MALRD1: variants seen among roughly 807,000 people sequenced by gnomAD.
The protein encoded by MALRD1 is MAM and LDL-receptor class A domain-containing protein 1.
A neutral mutation model predicts 242.1 loss-of-function variants in MALRD1; 247 were observed. The ratio of observed to expected loss-of-function variants is 1.02; its 90% CI spans 0.92 to 1.13. The LOEUF (loss-of-function observed/expected upper bound fraction) is 1.13. Ranked by LOEUF, MALRD1 falls within the 50% of genes most tolerant of loss-of-function variation. MALRD1 has a pLI of 0.00. For synonymous variants in MALRD1, 995 were observed against 866.6 expected, an observed-to-expected ratio of 1.15 and a Z score of -2.60; for missense variants, 2,989 against 2,533.1, an observed-to-expected ratio of 1.18 and a Z score of -3.86.
intron 14 of MALRD1, among the ~76,000 whole-genome samples, chr10:19,187,558 T>C (rs1440696122): frequency 6.6e-6 from 1 of 152,016 alleles, no homozygotes; most frequent in Non-Finnish European, 1.5e-5. Flanking sequence ...AAGAGGTTGA[T>C]TATAGAGAAC....
At chr10:19,471,798 T>C (rs1417214524) in intron 29 of MALRD1, among the ~76,000 whole-genome samples, 2 of 151,866 alleles carry the variant, frequency 1.3e-5, no homozygotes, top group African/African-American at 4.8e-5. Context: ...AAAATTTGTT[T>C]AATAATTCTA....
At chr10:19,341,502 GTATA>G (rs576264676) in intron 24 of MALRD1, among the ~76,000 whole-genome samples, 1 of 116,840 alleles carries the variant, frequency 8.6e-6, no homozygotes, top group African/African-American at 3.3e-5. Context: ...ATGTATATAT[GTATA>G]TATATGTGTG....
chr10:19,241,539 G>A (rs1027984058), intron 18 of MALRD1, among the ~76,000 whole-genome samples: 1 of 151,838 alleles, frequency 6.6e-6, no homozygotes, highest in Admixed American at 6.6e-5. Context: ...ATTTTTTAGT[G>A]TCTGTTTCAT....
At chr10:19,687,751 T>C (rs2131811073) in intron 36 of MALRD1, among the ~76,000 whole-genome samples, 1 of 152,302 alleles carries the variant, frequency 6.6e-6, no homozygotes, top group East Asian at 1.9e-4. Flanking sequence ...TGGCCATTCC[T>C]TTTAGAGACA....
At chr10:19,330,855 C>G (rs1464247721) in intron 23 of MALRD1, among the ~76,000 whole-genome samples, 1 of 147,534 alleles carries the variant, frequency 6.8e-6, no homozygotes, top group African/African-American at 2.6e-5. Context: ...AAGATGTGTA[C>G]AATTTAAAAA....
intron 33 of MALRD1, among the ~76,000 whole-genome samples, chr10:19,572,006 A>T (rs1468917763): frequency 6.6e-6 from 1 of 151,890 alleles, no homozygotes; most frequent in East Asian, 1.9e-4. Context: ...ACCACCACAA[A>T]CTCCCATAAT....
intron 1 of MALRD1, among the ~76,000 whole-genome samples, chr10:19,052,808 C>A (rs1390727285): frequency 6.6e-6 from 1 of 152,198 alleles, no homozygotes; most frequent in Non-Finnish European, 1.5e-5. Context: ...TGTAACCCCT[C>A]TACTCCCCTC....
chr10:19,254,848 G>A (rs1018168225), intron 18 of MALRD1, among the ~76,000 whole-genome samples: 1 of 151,824 alleles, frequency 6.6e-6, no homozygotes, highest in Non-Finnish European at 1.5e-5. Flanking sequence ...AATACATGAT[G>A]GCTAAAGTGA....
At chr10:19,214,196 C>T (rs1837200198) in intron 18 of MALRD1, among the ~76,000 whole-genome samples, 2 of 152,174 alleles carry the variant, frequency 1.3e-5, no homozygotes, top group African/African-American at 2.4e-5. Context: ...AACATGGTTT[C>T]TGTGGACTCT....
At chr10:19,576,354 A>T (rs912401880) in intron 33 of MALRD1, among the ~76,000 whole-genome samples, 1 of 152,176 alleles carries the variant, frequency 6.6e-6, no homozygotes, top group Non-Finnish European at 1.5e-5. Flanking sequence ...TTTACACAAC[A>T]TGCATCTCTG....
chr10:19,493,473 A>G (rs1157496212), intron 30 of MALRD1, among the ~76,000 whole-genome samples: 3 of 152,094 alleles, frequency 2.0e-5, no homozygotes, highest in Non-Finnish European at 2.9e-5. Flanking sequence ...AATAAAACTT[A>G]TAGTTCACTG....
chr10:19,050,826 A>G (rs932189385), intron 1 of MALRD1, among the ~76,000 whole-genome samples: 6 of 152,174 alleles, frequency 3.9e-5, no homozygotes, highest in African/African-American at 1.4e-4. Context: ...ATAAATCTCT[A>G]TGAAGCTTCC....
In MALRD1 at chr10:19,209,415, G is replaced by A. The variant is rs946110892; in HGVS notation, c.2726G>A (p.Gly909Glu). 70 of 1,550,884 alleles carry A rather than the reference G, an allele frequency of 4.5e-5. No homozygotes were observed. Among genetic ancestry groups the A allele is most frequent in the Non-Finnish European group, 5.8e-5 (66 of 1,147,100 alleles). ...GATAACACTCTGGGCACAGCTAAAG[G>A]ACACTATCTCTACATAGAATCTTCA... ...MKDNTLGTAKGHYLYIESSEP... is the reference protein window; with the variant it reads ...MKDNTLGTAKEHYLYIESSEP... Residue 909 changes from glycine to glutamate, a missense_variant, in exon 18 of 40, where the codon GGA becomes GAA. Transcript: ENST00000454679.
chr10:19,148,788 A>ATATATATATAT (rs1554797975), intron 11 of MALRD1, among the ~76,000 whole-genome samples: 6 of 88,010 alleles, frequency 6.8e-5, no homozygotes, highest in African/African-American at 2.5e-4. Context: ...AAAAAAAAAA[A>ATATATATATAT]ATATATATAT....
At chr10:19,248,271 A>G (rs1029518996) in intron 18 of MALRD1, among the ~76,000 whole-genome samples, 16 of 152,138 alleles carry the variant, frequency 1.1e-4, no homozygotes, top group African/African-American at 3.9e-4. Context: ...TTTCACTAAA[A>G]TGAGATTTTA....
chr10:19,278,118 A>G (rs1840626745), intron 19 of MALRD1, among the ~76,000 whole-genome samples: 1 of 152,140 alleles, frequency 6.6e-6, no homozygotes, highest in Non-Finnish European at 1.5e-5. Flanking sequence ...CTCCAGTTCC[A>G]TATCTAATGA....
At chr10:19,102,490 T>C (rs1349037188) in intron 4 of MALRD1, among the ~76,000 whole-genome samples, 1 of 152,162 alleles carries the variant, frequency 6.6e-6, no homozygotes, top group Admixed American at 6.5e-5. Flanking sequence ...GTACAGCATA[T>C]TGTACAGGGA....
At chr10:19,058,385 G>A (rs1834728385) in intron 1 of MALRD1, among the ~76,000 whole-genome samples, 1 of 152,062 alleles carries the variant, frequency 6.6e-6, no homozygotes, top group Admixed American at 6.5e-5. Flanking sequence ...TAACAACGAA[G>A]CCATAATCTT....
chr10:19,717,119 G>T (rs950799647), intron 38 of MALRD1, among the ~76,000 whole-genome samples: 11 of 152,064 alleles, frequency 7.2e-5, no homozygotes, highest in African/African-American at 2.2e-4. Context: ...TCTGCCAAAT[G>T]CCCTAGTGTA....
Sources: gnomAD v4.1 joint callset for allele counts (sites outside exome capture counted in the v4.1 genomes callset) on GRCh38, gnomAD v4.1.1 for gene constraint, MANE v1.5 for transcripts, NCBI Gene and HGNC (gene_info 2026-07-23, HGNC 2026-07-21) for gene names.